FILIP1L: variants seen among roughly 807,000 people sequenced by gnomAD.
FILIP1L encodes the protein filamin A-interacting protein 1-like.
FILIP1L carries 55 observed loss-of-function variants against 96.6 expected under a neutral mutation model. The ratio of observed to expected loss-of-function variants is 0.57; its 90% CI spans 0.46 to 0.71. The LOEUF (loss-of-function observed/expected upper bound fraction) is 0.71. Ranked by LOEUF, FILIP1L falls within the 30% of genes least tolerant of loss-of-function variation. The pLI is 0.00. For synonymous variants in FILIP1L, 467 were observed against 473.9 expected, an observed-to-expected ratio of 0.99 and a Z score of 0.19; for missense variants, 1,304 against 1,321.2, an observed-to-expected ratio of 0.99 and a Z score of 0.20.
At chr3:99,968,504 G>A (rs905088475) in intron 1 of FILIP1L, among the ~76,000 whole-genome samples, 6 of 152,080 alleles carry the variant, frequency 3.9e-5, no homozygotes, top group Admixed American at 2.0e-4. Flanking sequence ...AATAAACATG[G>A]AAGGTGATGG....
chr3:99,904,947 G>A (rs1303814482), intron 4 of FILIP1L, among the ~76,000 whole-genome samples: 1 of 152,098 alleles, frequency 6.6e-6, no homozygotes, highest in Non-Finnish European at 1.5e-5. Flanking sequence ...TCAGGTTTCA[G>A]TGTCTACCAT....
At chr3:99,913,925 GAA>G (rs1473195465) in intron 4 of FILIP1L, among the ~76,000 whole-genome samples, 2 of 152,192 alleles carry the variant, frequency 1.3e-5, no homozygotes, top group Non-Finnish European at 2.9e-5. Context: ...GTGTTACTGA[GAA>G]ATTCATGGAA....
chr3:100,014,887 C>CTTTTTTTTTTTTTTTTTTTTTTTT (rs1559725867), intron 1 of FILIP1L, among the ~76,000 whole-genome samples: 11 of 32,464 alleles, frequency 3.4e-4, no homozygotes, highest in Middle Eastern at 0.02. Flanking sequence ...TTTTTTTTTT[C>CTTTTTTTTTTTTTTTTTTTTTTTT]TTTCTTTCTT....
At position 100,111,668 on chromosome 3, in the gene FILIP1L, C is replaced by A. The variant is rs147641454; in HGVS notation, c.-11+2385G>T. 2.7e-3 allele frequency among the ~76,000 whole-genome samples: 406 copies of A among 152,250 alleles called. 1 individual carries two copies. The highest frequency in any genetic ancestry group is 0.023 in the South Asian group (112 of 4,826). On this transcript the variant is annotated intron_variant, in intron 1 of 5. Transcript: ENST00000477258. ...CTTGAACTACTGTCAGATTTGAACC[C>A]TAGACTTCTAAGAGGCTATAATACA...
intron 1 of FILIP1L, among the ~76,000 whole-genome samples, chr3:100,065,281 T>C (rs1191227948): frequency 6.6e-6 from 1 of 152,194 alleles, no homozygotes; most frequent in Non-Finnish European, 1.5e-5. Flanking sequence ...CAGATAATGC[T>C]TTTTCCTGCT....
rs1942753430 is a variant in FILIP1L, at chr3:99,833,176, C to A, written c.3382-2571G>T. The A allele has an allele frequency of 3.4e-6, 5 of 1,470,722 alleles. No individual in the cohort carries two copies. In the African/African-American group the frequency reaches 4.2e-5, roughly 12 times the overall value. The allele number at this position is 1,470,722 out of a possible 1,614,324, so 91.1% of individuals were successfully genotyped here. On this transcript the variant is annotated intron_variant, in intron 5 of 5. Transcript: ENST00000477258. ...AAACGATTTTTTAATAAATGCTTAACCCAGTTCAACATGAAGACTGGGATT... is the reference window on the plus strand; with the variant it reads ...AAACGATTTTTTAATAAATGCTTAAACCAGTTCAACATGAAGACTGGGATT...
At position 100,064,649 on chromosome 3, in the gene FILIP1L, T is replaced by C. The variant is rs1335791577; in HGVS notation, c.-11+49404A>G. Among the ~76,000 whole-genome samples, 3 of 152,332 alleles carry C rather than the reference T, an allele frequency of 2.0e-5. No individual in the cohort carries two copies. The East Asian group carries it at 5.8e-4, about 29-fold the overall frequency. On this transcript the variant is annotated intron_variant, in intron 1 of 5. Transcript: ENST00000477258. Reference sequence around the variant, plus strand: ...CTGGCAAAAGGGCTTGGAAAATGCTTACAGACCTAATGGAACTTTTTATTT... The same window carrying C: ...CTGGCAAAAGGGCTTGGAAAATGCTCACAGACCTAATGGAACTTTTTATTT...
intron 1 of FILIP1L, among the ~76,000 whole-genome samples, chr3:100,110,430 C>A (rs1209024749): frequency 6.6e-6 from 1 of 152,112 alleles, no homozygotes; most frequent in African/African-American, 2.4e-5. Context: ...CCCTGCATTC[C>A]AATTTCCTAG....
chr3:100,069,619 C>G lies in FILIP1L; in HGVS notation c.-11+44434G>C, dbSNP rs9870654. 4.3e-3 allele frequency among the ~76,000 whole-genome samples: 662 copies of G among 152,236 alleles called. 4 individuals carry two copies. The highest frequency in any genetic ancestry group is 0.015 in the African/African-American group (620 of 41,550). Reference sequence around the variant, plus strand: ...CCTGAGGCACCAGACAGTTTATACTCTTAAGAATTTTCACTGCTTTTCACA... The same window carrying G: ...CCTGAGGCACCAGACAGTTTATACTGTTAAGAATTTTCACTGCTTTTCACA... On this transcript the variant is annotated intron_variant, in intron 1 of 5. Transcript: ENST00000477258.
At chr3:99,931,377 C>T (rs1178232614) in intron 1 of FILIP1L, among the ~76,000 whole-genome samples, 5 of 151,898 alleles carry the variant, frequency 3.3e-5, no homozygotes, top group Admixed American at 6.5e-5. Flanking sequence ...TTAAGACGTA[C>T]TTAACATAAT....
intron 1 of FILIP1L, among the ~76,000 whole-genome samples, chr3:100,049,470 T>G (rs1177385689): frequency 6.6e-6 from 1 of 152,232 alleles, no homozygotes; most frequent in Non-Finnish European, 1.5e-5. Flanking sequence ...AGTCTTCTTT[T>G]TATTGATTGA....
intron 4 of FILIP1L, among the ~76,000 whole-genome samples, chr3:99,870,527 A>C (rs1020357242): frequency 2.0e-5 from 3 of 152,206 alleles, no homozygotes; most frequent in Non-Finnish European, 4.4e-5. Context: ...TAGTGATCTT[A>C]GTCCTTGTCA....
At chr3:99,915,715 TAC>T (rs1255268473) in intron 4 of FILIP1L, among the ~76,000 whole-genome samples, 2 of 152,304 alleles carry the variant, frequency 1.3e-5, no homozygotes, top group Non-Finnish European at 2.9e-5. Context: ...GCAATTCTCC[TAC>T]ACTAAAGGAA....
intron 1 of FILIP1L, among the ~76,000 whole-genome samples, chr3:99,977,845 A>G (rs1709015477): frequency 6.6e-6 from 1 of 152,200 alleles, no homozygotes; most frequent in African/African-American, 2.4e-5. Flanking sequence ...GGATCCAATA[A>G]GAGAAATCTG....
chr3:100,068,437 A>G (rs1182709948), intron 1 of FILIP1L, among the ~76,000 whole-genome samples: 2 of 152,132 alleles, frequency 1.3e-5, no homozygotes. Flanking sequence ...ACAAAACATC[A>G]TCTGAACTAA....
At chr3:100,057,816 A>T (rs2065491150) in intron 1 of FILIP1L, among the ~76,000 whole-genome samples, 1 of 152,186 alleles carries the variant, frequency 6.6e-6, no homozygotes, top group African/African-American at 2.4e-5. Flanking sequence ...AGGTTTTTTT[A>T]ACAGGGTCAC....
chr3:99,984,771 A>G (rs1328453123), intron 1 of FILIP1L, among the ~76,000 whole-genome samples: 4 of 152,238 alleles, frequency 2.6e-5, no homozygotes, highest in South Asian at 4.1e-4. Flanking sequence ...TGCCTGGTTG[A>G]GAAGGTAAGA....
In FILIP1L at chr3:100,045,817, TC is replaced by T. The variant is rs2065270289; in HGVS notation, c.-11+68235del. On this transcript the variant is annotated intron_variant, in intron 1 of 5. Transcript: ENST00000477258. ...CACATTGCACATGTCAGCAAGGCCT[TC>T]TGGGCTTCTTGGCATTCCTAATGAT... Among the ~76,000 whole-genome samples, 2 of 152,316 alleles carry T rather than the reference TC, an allele frequency of 1.3e-5. 1 individual carries two copies. The highest frequency in any genetic ancestry group is 3.9e-4 in the East Asian group (2 of 5,186).
intron 1 of FILIP1L, among the ~76,000 whole-genome samples, chr3:100,044,042 A>G (rs2065244064): frequency 6.6e-6 from 1 of 152,304 alleles, no homozygotes; most frequent in Admixed American, 6.5e-5. Context: ...GCTAGCTAGT[A>G]GTTCATTGGG....
Sources: allele counts gnomAD v4.1 joint callset (sites outside exome capture counted in the v4.1 genomes callset), GRCh38; gene constraint gnomAD v4.1.1; transcripts MANE v1.5; gene names NCBI Gene and HGNC (gene_info 2026-07-23, HGNC 2026-07-21).